CARMIL1: variants seen among roughly 807,000 people sequenced by gnomAD.
CARMIL1 encodes the protein F-actin-uncapping protein LRRC16A.
A neutral mutation model predicts 177.1 loss-of-function variants in CARMIL1; 90 were observed. The observed-to-expected ratio is 0.51, with a 90% CI of 0.43 to 0.61. The LOEUF (loss-of-function observed/expected upper bound fraction) is 0.61, where lower values mean the gene tolerates loss of function less well. Among genes scored for constraint, CARMIL1 ranks in the 20% least tolerant of loss-of-function variants. The probability of loss-of-function intolerance (pLI) is 0.00; values close to 1 mark genes in which losing one functional copy is unlikely to be tolerated. For missense variants in CARMIL1, 1,380 were observed against 1,667.0 expected (o/e 0.83, Z 3.00); for synonymous variants, 577 against 606.2 (o/e 0.95, Z 0.71).
chr6:25,514,868 G>GC (rs1185085361), intron 20 of CARMIL1, among the ~76,000 whole-genome samples: 3 of 151,870 alleles, frequency 2.0e-5, no homozygotes, highest in Non-Finnish European at 4.4e-5. Context: ...AGGCTGCAGT[G>GC]AGTGGTGATT....
intron 26 of CARMIL1, among the ~76,000 whole-genome samples, chr6:25,550,161 C>T (rs1360553964): frequency 6.6e-6 from 1 of 152,166 alleles, no homozygotes; most frequent in Non-Finnish European, 1.5e-5. Flanking sequence ...ATTCTTCAAC[C>T]GTAAAATGGT....
At chr6:25,472,682 CT>C (rs2150944204) in intron 11 of CARMIL1, 161 bp downstream of exon 11, 1 of 578,886 alleles carries the variant, frequency 1.7e-6, no homozygotes, top group East Asian at 2.9e-5. Flanking sequence ...CATATAAATG[CT>C]TATGTTACAA....
Position 25,554,219 on chromosome 6 carries a change from G to T in CARMIL1, c.2592+123G>T. 2 of 721,438 alleles carry T rather than the reference G, an allele frequency of 2.8e-6. No homozygotes were observed. The highest frequency in any genetic ancestry group is 1.8e-5 in the South Asian group (1 of 55,256). 44.7% of individuals were successfully genotyped at this position (721,438 alleles called of 1,614,324 possible). ...TCACACTATTACAGCTTTATGGTTT[G>T]TGATCTTGGTTTTCCTCCTTTCTCT... On this transcript the variant is annotated intron_variant, in intron 28 of 36. Coordinates refer to ENST00000329474, the MANE Select transcript of CARMIL1 (RefSeq NM_017640.6). The surrounding 1 kb of genome is among the most constrained non-coding windows in gnomAD (Gnocchi z 4.6).
chr6:25,328,644 A>G (rs1056155583), intron 2 of CARMIL1, among the ~76,000 whole-genome samples: 1 of 152,170 alleles, frequency 6.6e-6, no homozygotes. Flanking sequence ...TAGGAACGTC[A>G]TCTCTTTCTC....
intron 2 of CARMIL1, among the ~76,000 whole-genome samples, chr6:25,403,102 AAAC>A (rs1794033137): frequency 6.6e-6 from 1 of 150,598 alleles, no homozygotes. Flanking sequence ...TTTTTTTTAA[AAAC>A]AAAACAAAAA....
At chr6:25,358,791 C>T (rs1581677911) in intron 2 of CARMIL1, among the ~76,000 whole-genome samples, 2 of 152,196 alleles carry the variant, frequency 1.3e-5, no homozygotes, top group South Asian at 2.1e-4. Context: ...AGAAATAATG[C>T]CTGGGAATGC....
chr6:25,495,089 G>T (rs370392476), intron 15 of CARMIL1, 22 bp from the exon 16 acceptor site: 300 of 1,423,406 alleles, frequency 2.1e-4, no homozygotes, highest in Non-Finnish European at 2.9e-4. Context: ...AACCGCTTGT[G>T]TAACTCTTGT....
chr6:25,417,966 A>G (rs1325960688), intron 2 of CARMIL1, among the ~76,000 whole-genome samples: 1 of 151,962 alleles, frequency 6.6e-6, no homozygotes, highest in East Asian at 2.0e-4. Context: ...GACAGCTTTT[A>G]TGGCTTGCAA....
intron 25 of CARMIL1, 117 bp downstream of exon 25, chr6:25,538,100 G>A: frequency 8.8e-7 from 1 of 1,138,044 alleles, no homozygotes; most frequent in South Asian, 1.6e-5. Context: ...TTACTAACAA[G>A]TGGCAAAGTG....
chr6:25,433,000 A>T (rs1383426441), intron 4 of CARMIL1: 4 of 152,198 alleles, frequency 2.6e-5, no homozygotes, highest in African/African-American at 9.7e-5. Flanking sequence ...CCCCAGCTGA[A>T]GTGGGAGGGA....
chr6:25,325,753 G>A (rs906804369), intron 2 of CARMIL1, among the ~76,000 whole-genome samples: 2 of 152,168 alleles, frequency 1.3e-5, no homozygotes, highest in African/African-American at 2.4e-5. Context: ...TTGCTAGGCA[G>A]CAAGAGACAA....
chr6:25,342,635 T>G (rs2150328925), intron 2 of CARMIL1, among the ~76,000 whole-genome samples: 1 of 152,316 alleles, frequency 6.6e-6, no homozygotes, highest in South Asian at 2.1e-4. Flanking sequence ...GTACTTATTA[T>G]TACTAAGTTT....
chr6:25,462,716 C>G (rs140530708), intron 8 of CARMIL1, among the ~76,000 whole-genome samples: 1 of 152,206 alleles, frequency 6.6e-6, no homozygotes, highest in Non-Finnish European at 1.5e-5. Flanking sequence ...TACTTGCTGT[C>G]CTGCTGTGCT....
intron 2 of CARMIL1, among the ~76,000 whole-genome samples, chr6:25,408,299 A>AAT (rs1562097772): frequency 6.6e-6 from 1 of 151,594 alleles, no homozygotes; most frequent in East Asian, 1.9e-4. Flanking sequence ...AAATAAAAAA[A>AAT]AAAAAAAAAA....
Position 25,334,506 on chromosome 6 carries a change from A to ATC in CARMIL1, c.138+49597_138+49598insTC, listed in dbSNP as rs1561998235. ...GGAATTTGCAGTTATCAGCTTAACT[A>ATC]ATCTCCATGCCCACATTTCTTGCTT... On this transcript the variant is annotated intron_variant, in intron 2 of 36. Transcript: ENST00000329474. 6.4e-3 allele frequency among the ~76,000 whole-genome samples: 980 copies of ATC among 152,302 alleles called. 12 individuals carry two copies. Among genetic ancestry groups the ATC allele is most frequent in the African/African-American group, 0.021 (861 of 41,552 alleles).
chr6:25,484,301 T>A (rs1246822866), intron 12 of CARMIL1, among the ~76,000 whole-genome samples: 1 of 152,194 alleles, frequency 6.6e-6, no homozygotes, highest in Non-Finnish European at 1.5e-5. Context: ...GATAAATGAG[T>A]GAAGCAAAGT....
In CARMIL1 at chr6:25,558,434, TTTTG is replaced by T. The variant is rs1258458484; in HGVS notation, c.2742+1592_2742+1595del. ...GTAAACTTTGTTTGGAAGTAAGTTT[TTTTG>T]TTTGTTTAATTTGGTTTAGTTTTGT... On this transcript the variant is annotated intron_variant, in intron 29 of 36. Coordinates refer to ENST00000329474, the MANE Select transcript of CARMIL1 (RefSeq NM_017640.6). This position sits in a 1 kb window ranked among gnomAD's most constrained non-coding sequence, Gnocchi z 4.1. Among the ~76,000 whole-genome samples, 2 of 152,190 alleles carry T rather than the reference TTTTG, an allele frequency of 1.3e-5. No individual in the cohort carries two copies. The highest frequency in any genetic ancestry group is 1.3e-4 in the Admixed American group (2 of 15,276).
At chr6:25,465,071 C>CAAA (rs558022196) in intron 8 of CARMIL1, among the ~76,000 whole-genome samples, 49 of 61,920 alleles carry the variant, frequency 7.9e-4, no homozygotes, top group African/African-American at 1.3e-3. Flanking sequence ...AGAACTAAAG[C>CAAA]AAAAAAAAAA....
chr6:25,333,760 A>G (rs113035408), intron 2 of CARMIL1, among the ~76,000 whole-genome samples: 1 of 152,146 alleles, frequency 6.6e-6, no homozygotes, highest in African/African-American at 2.4e-5. Flanking sequence ...CATAGTGGGG[A>G]TGGGTGAGTT....
Sources: allele counts gnomAD v4.1 joint callset (sites outside exome capture counted in the v4.1 genomes callset), GRCh38; gene constraint gnomAD v4.1.1; non-coding constraint Gnocchi (gnomAD v3.1); transcripts MANE v1.5; gene names NCBI Gene and HGNC (gene_info 2026-07-23, HGNC 2026-07-21).